Variants in ELN observed in about 807,000 individuals in gnomAD.
The protein encoded by ELN is elastin.
Under a neutral mutation model 105.8 loss-of-function variants are expected in ELN, and 65 were observed. That is an observed-to-expected ratio of 0.61 (90% CI 0.50 to 0.75). The LOEUF is 0.75. Ranked by LOEUF, ELN falls within the 30% of genes least tolerant of loss-of-function variation. The probability of loss-of-function intolerance (pLI) is 0.00; values close to 1 mark genes in which losing one functional copy is unlikely to be tolerated. For missense variants in ELN, 882 were observed against 969.4 expected (o/e 0.91, Z 1.20); for synonymous variants, 368 against 389.2 (o/e 0.95, Z 0.64).
intron 32 of ELN, among the ~76,000 whole-genome samples, chr7:74,067,762 CAA>C (rs35074680): frequency 1.0e-4 from 10 of 100,062 alleles, no homozygotes; most frequent in Admixed American, 4.3e-4. Flanking sequence ...GACTCCGTCT[CAA>C]AAAAAAAAAA....
intron 15 of ELN, among the ~76,000 whole-genome samples, chr7:74,049,736 C>T (rs1387469715): frequency 6.6e-6 from 1 of 151,076 alleles, no homozygotes; most frequent in Non-Finnish European, 1.5e-5. Flanking sequence ...ATCCATTCTT[C>T]CCTCTATCCA....
intron 17 of ELN, chr7:74,052,936 G>GA (rs1239421107): frequency 4.4e-5 from 26 of 593,986 alleles, no homozygotes; most frequent in Non-Finnish European, 6.8e-5. Context: ...AAAAGAAAAA[G>GA]AAAGAGATCA....
rs1378337310 is a variant in ELN at position 74,048,231 on chromosome 7, A to T, written c.745+30A>T. On this transcript the variant is annotated intron_variant, in intron 14 of 32. Coordinates refer to ENST00000252034, the MANE Select transcript of ELN (RefSeq NM_000501.4). ...GGAAAGCCTCACGTCACTTCCAGCC[A>T]AGGGAGCACTGATCTTCCAGGCTCC... 16 of 1,613,740 alleles carry T rather than the reference A, an allele frequency of 9.9e-6. No homozygotes were observed. The East Asian group carries it at 3.6e-4, about 36-fold the overall frequency.
At chr7:74,067,932 T>TAAA (rs1798309588) in intron 32 of ELN, among the ~76,000 whole-genome samples, 1 of 46,126 alleles carries the variant, frequency 2.2e-5, no homozygotes, top group African/African-American at 1.4e-4. Flanking sequence ...CGATTGCGTC[T>TAAA]CAAAAAAAAA....
chr7:74,042,157 C>T (rs998223571), intron 5 of ELN, among the ~76,000 whole-genome samples: 1 of 151,616 alleles, frequency 6.6e-6, no homozygotes, highest in Admixed American at 6.6e-5. Flanking sequence ...CGGTGGCTCA[C>T]GCCTGTAATC....
chr7:74,063,227 G>A lies in ELN; in HGVS notation c.1858+3G>A. The A allele has an allele frequency of 6.2e-7, 1 of 1,606,896 alleles. No individual in the cohort carries two copies. Among genetic ancestry groups the A allele is most frequent in the Non-Finnish European group, 8.5e-7 (1 of 1,177,924 alleles). ...AGGCATCCCAGGCGGTGTGGTGGGT[G>A]AGTTGAAACCCCAGGAGGGGCAGGG... On this transcript the variant is annotated splice_donor_region_variant and intron_variant, in intron 27 of 32. Transcript: ENST00000252034. This position sits in a 1 kb window ranked among gnomAD's most constrained non-coding sequence, Gnocchi z 4.1.
chr7:74,051,801 G>C lies in ELN; in HGVS notation c.851G>C (p.Gly284Ala), dbSNP rs1287098263. 1 of 1,614,074 alleles carries C rather than the reference G, an allele frequency of 6.2e-7. No homozygotes were observed. Among genetic ancestry groups the C allele is most frequent in the African/African-American group, 1.3e-5 (1 of 74,928 alleles). Residue 284 changes from glycine (G) to alanine (A), a missense_variant, in exon 16 of 33, where the codon GGC becomes GCC. Physicochemically the swap from Gly to Ala is moderately conservative, Grantham distance 60. Coordinates refer to ENST00000252034, the MANE Select transcript of ELN (RefSeq NM_000501.4). Reference protein sequence around the residue: ...LPGVGGAGVPGVPGAIPGIGG... With the variant: ...LPGVGGAGVPAVPGAIPGIGG... ...GGTGTTGGAGGGGCTGGTGTTCCTG[G>C]CGTGCCTGGGGCAATTCCTGGAATT...
rs144835575 is a variant in ELN at position 74,063,187 on chromosome 7, G to C, written c.1821G>C (p.Gly607=). The C allele has an allele frequency of 1.9e-4, 308 of 1,609,750 alleles. 4 individuals carry two copies. In the African/African-American group the frequency reaches 3.5e-3, roughly 18 times the overall value. The change falls in exon 27 of 33, where the codon GGG becomes GGC. Residue 607 remains glycine, a synonymous_variant. Transcript: ENST00000252034. The surrounding 1 kb of genome is among the most constrained non-coding windows in gnomAD (Gnocchi z 4.1). The part of the protein sequence containing the change: ...AAVPGVLGGL[G]ALGGVGIPGG... ...TGCCTGGGGTCCTTGGAGGGCTCGG[G>C]GCTCTCGGTGGAGTAGGCATCCCAG...
chr7:74,055,899 ACCTCAG>A (rs1484274948), intron 19 of ELN, among the ~76,000 whole-genome samples: 2 of 150,996 alleles, frequency 1.3e-5, no homozygotes, highest in Non-Finnish European at 2.9e-5. Context: ...TGATTCTCCT[ACCTCAG>A]CCTCCCATAT....
chr7:74,063,037 C>T lies in ELN; in HGVS notation c.1787-116C>T. 1.5e-6 allele frequency: 2 copies of T among 1,310,140 alleles called. No individual in the cohort carries two copies. 81.2% of individuals were successfully genotyped at this position (1,310,140 alleles called of 1,614,324 possible). On this transcript the variant is annotated intron_variant, in intron 26 of 32. Transcript: ENST00000252034. This position sits in a 1 kb window ranked among gnomAD's most constrained non-coding sequence, Gnocchi z 4.1. ...AAATATGGACTGGACTTCCTGTCCA[C>T]TGCTCCTCCACAGTGTCACATGGCC...
chr7:74,046,554 T>G, intron 11 of ELN, 142 bp from the exon 12 acceptor site: 3 of 870,016 alleles, frequency 3.4e-6, no homozygotes, highest in Non-Finnish European at 5.6e-6. Flanking sequence ...TGACCCATGA[T>G]GGAGATTCAG....
chr7:74,043,397 C>T lies in ELN; in HGVS notation c.427+229C>T. 5.4e-6 allele frequency: 4 copies of T among 738,944 alleles called. No individual in the cohort carries two copies. In the Admixed American group the frequency reaches 6.1e-5, roughly 11 times the overall value. 45.8% of individuals were successfully genotyped at this position (738,944 alleles called of 1,614,324 possible). ...GGATCTTGGGGTAGAAAGAGACGGG[C>T]TCTGTGGCAGGCTGTCGGGCGACAG... On this transcript the variant is annotated intron_variant, in intron 8 of 32. Transcript: ENST00000252034.
intron 1 of ELN, 79 bp from the exon 2 acceptor site, chr7:74,035,285 T>C: frequency 6.8e-7 from 1 of 1,475,044 alleles, no homozygotes; most frequent in South Asian, 1.2e-5. Context: ...TTGAAAGTAA[T>C]GGCAAAAATC....
intron 25 of ELN, 133 bp from the exon 26 acceptor site, chr7:74,060,968 C>G: frequency 9.2e-7 from 1 of 1,084,640 alleles, no homozygotes; most frequent in Non-Finnish European, 1.4e-6. Flanking sequence ...AAGCTCTGTG[C>G]CTGTACAGCT....
chr7:74,053,449 C>A, intron 18 of ELN, 140 bp downstream of exon 18: 1 of 1,495,264 alleles, frequency 6.7e-7, no homozygotes, highest in Non-Finnish European at 9.0e-7. Flanking sequence ...CACGTCTCAT[C>A]CCCTCATCTT....
In ELN at chr7:74,033,442, G is replaced by A. The variant is rs190766961; in HGVS notation, c.83-1922G>A. On this transcript the variant is annotated intron_variant, in intron 1 of 32. Coordinates refer to ENST00000252034, the MANE Select transcript of ELN (RefSeq NM_000501.4). ...AGGGAAGGCATCAGAGGCCCGAGGC[G>A]GGCCATGTGTGTGCTTGGCAGCGGA... 2.1e-3 allele frequency among the ~76,000 whole-genome samples: 320 copies of A among 152,374 alleles called. 1 individual carries two copies. The highest frequency in any genetic ancestry group is 6.9e-3 in the African/African-American group (286 of 41,596).
chr7:74,046,154 C>T (rs966247626), intron 10 of ELN, 34 bp from the exon 11 acceptor site: 7 of 1,614,230 alleles, frequency 4.3e-6, no homozygotes, highest in Non-Finnish European at 5.9e-6. Flanking sequence ...GTCCACAGTT[C>T]CAGGGCTGTA....
chr7:74,031,884 G>A (rs1584463141), intron 1 of ELN, among the ~76,000 whole-genome samples: 1 of 150,322 alleles, frequency 6.7e-6, no homozygotes, highest in Non-Finnish European at 1.5e-5. Flanking sequence ...AAGGAAGGAA[G>A]GAAGGAAGGA....
chr7:74,051,895 G>C, intron 16 of ELN, 29 bp from the exon 17 acceptor site: 1 of 1,614,130 alleles, frequency 6.2e-7, no homozygotes, highest in South Asian at 1.1e-5. Flanking sequence ...ACAGGGCAAG[G>C]ACCTCACCCT....
Sources: gnomAD v4.1 joint callset for allele counts (sites outside exome capture counted in the v4.1 genomes callset) on GRCh38, gnomAD v4.1.1 for gene constraint, Gnocchi (gnomAD v3.1) non-coding constraint, MANE v1.5 for transcripts, NCBI Gene and HGNC (gene_info 2026-07-23, HGNC 2026-07-21) for gene names.